SLC37A2: variants seen among roughly 807,000 people sequenced by gnomAD.
SLC37A2 encodes solute carrier family 37 member 2.
In SLC37A2, 59 loss-of-function variants were observed where a neutral mutation model predicts 70.7. The observed-to-expected ratio is 0.83, with a 90% confidence interval of 0.68 to 1.04. The LOEUF is 1.04. SLC37A2 is among the 50% of genes least tolerant of loss of function. SLC37A2 has a pLI of 0.00. For synonymous variants in SLC37A2, 257 were observed against 262.1 expected (o/e 0.98, Z 0.19); for missense variants, 580 against 658.1 (o/e 0.88, Z 1.30).
intron 1 of SLC37A2, among the ~76,000 whole-genome samples, chr11:125,071,352 C>G (rs1450861585): frequency 6.6e-6 from 1 of 152,194 alleles, no homozygotes; most frequent in East Asian, 1.9e-4. Flanking sequence ...CTCTTCTGAG[C>G]CCCACCAACA....
In SLC37A2 at chr11:125,067,450, C is replaced by A. The variant is rs556902923; in HGVS notation, c.59+4024C>A. ...AACTCTTTTATAGCATATAATTTCT[C>A]AAATATTTAGATAAATAATAATATT... On this transcript the variant is annotated intron_variant, in intron 1 of 17. Coordinates refer to ENST00000403796, the MANE Select transcript of SLC37A2 (RefSeq NM_001145290.2). Among the ~76,000 whole-genome samples, 25 of 152,240 alleles carry A rather than the reference C, an allele frequency of 1.6e-4. 1 individual carries two copies. The highest frequency in any genetic ancestry group is 1.5e-3 in the Admixed American group (23 of 15,304).
intron 5 of SLC37A2, 98 bp downstream of exon 5, chr11:125,079,345 C>A: frequency 6.7e-7 from 1 of 1,489,782 alleles, no homozygotes; most frequent in South Asian, 1.2e-5. Flanking sequence ...GTTCCTGGCT[C>A]CCTGTCCAGT....
rs540421797 is a variant in SLC37A2 at position 125,076,912 on chromosome 11, C to T, written c.141+74C>T. 8.9e-6 allele frequency: 13 copies of T among 1,464,052 alleles called. No individual in the cohort carries two copies. The South Asian group carries it at 1.2e-4, about 13-fold the overall frequency. 90.7% of individuals were successfully genotyped at this position (1,464,052 alleles called of 1,614,324 possible). ...CCGTCCTTACCCCTTCCCATGGCCA[C>T]CGAGGTTGCACCTTCACCTGGCAGG... is the stretch of plus-strand genomic sequence containing the variant. On this transcript the variant is annotated intron_variant, in intron 2 of 17. Transcript: ENST00000403796.
At chr11:125,066,264 C>T (rs1251505848) in intron 1 of SLC37A2, among the ~76,000 whole-genome samples, 1 of 152,220 alleles carries the variant, frequency 6.6e-6, no homozygotes, top group African/African-American at 2.4e-5. Context: ...GCCTGCCAGG[C>T]CCAGTGGCAT....
At chr11:125,082,477 C>A in intron 10 of SLC37A2, 143 bp downstream of exon 10, 2 of 743,714 alleles carry the variant, frequency 2.7e-6, no homozygotes, top group South Asian at 1.6e-5. Context: ...GTGAAAGGAG[C>A]TTGATTTAGT....
At chr11:125,077,415 G>T (rs369373350) in intron 3 of SLC37A2, 35 bp from the exon 4 acceptor site, 3 of 1,602,974 alleles carry the variant, frequency 1.9e-6, no homozygotes, top group Non-Finnish European at 2.6e-6. Context: ...GGGCATCCAC[G>T]CAGTCAGCTT....
chr11:125,063,394 C>G lies in SLC37A2; in HGVS notation c.27C>G (p.Val9=). The G allele has an allele frequency of 6.2e-7, 1 of 1,612,004 alleles. No homozygotes were observed. Among genetic ancestry groups the G allele is most frequent in the South Asian group, 1.1e-5 (1 of 90,534 alleles). Residue 9 remains valine (V), a synonymous_variant, in exon 1 of 18, where the codon GTC becomes GTG. Coordinates refer to ENST00000403796, the MANE Select transcript of SLC37A2 (RefSeq NM_001145290.2). This position sits in a 1 kb window ranked among gnomAD's most constrained non-coding sequence, Gnocchi z 5.4. Reference sequence around the variant, plus strand: ...TGCGGTCCTCCCTGGCTCCGGGAGTCTGGTTCTTCCGGGCCTTCTCCAGGG... The same window carrying G: ...TGCGGTCCTCCCTGGCTCCGGGAGTGTGGTTCTTCCGGGCCTTCTCCAGGG... MRSSLAPG[V]WFFRAFSRDS...
At position 125,088,150 on chromosome 11, in the gene SLC37A2, A is replaced by G; in HGVS notation, c.*16A>G. On this transcript the variant is annotated 3_prime_UTR_variant, in exon 18 of 18. Transcript: ENST00000403796. ...AGAAATATGAGGCCCCAATTGGAACAGCAGCATGGAGGGTCCCAGTTGGGT... is the reference window on the plus strand; with the variant it reads ...AGAAATATGAGGCCCCAATTGGAACGGCAGCATGGAGGGTCCCAGTTGGGT... 2 of 1,551,758 alleles carry G rather than the reference A, an allele frequency of 1.3e-6. No homozygotes were observed. The highest frequency in any genetic ancestry group is 4.9e-5 in the East Asian group (2 of 40,850).
chr11:125,085,085 G>C lies in SLC37A2; in HGVS notation c.1194G>C (p.Gly398=), dbSNP rs1449532062. The change falls in exon 14 of 18, where the codon GGG becomes GGC. Residue 398 remains glycine, a synonymous_variant. Transcript: ENST00000403796. ...TCCCAGTGATGCTGATCATCTGTGGGGGCCTGGTCAATGGCCCATACGCGC... is the reference window on the plus strand; with the variant it reads ...TCCCAGTGATGCTGATCATCTGTGGCGGCCTGGTCAATGGCCCATACGCGC... ...ASSIVMLIIC[G]GLVNGPYALI... The C allele has an allele frequency of 1.2e-6, 2 of 1,613,952 alleles. No homozygotes were observed. The highest frequency in any genetic ancestry group is 1.3e-5 in the African/African-American group (1 of 74,916).
At chr11:125,072,654 C>T (rs570505278) in intron 1 of SLC37A2, among the ~76,000 whole-genome samples, 8 of 152,330 alleles carry the variant, frequency 5.3e-5, no homozygotes, top group South Asian at 4.1e-4. Context: ...GTGAAACCTG[C>T]GGGTTCTAAA....
At chr11:125,078,221 G>A (rs1302899081) in intron 4 of SLC37A2, among the ~76,000 whole-genome samples, 1 of 152,216 alleles carries the variant, frequency 6.6e-6, no homozygotes, top group African/African-American at 2.4e-5. Context: ...GAGGAACCGC[G>A]GGCAGGTGTA....
Position 125,085,985 on chromosome 11 carries a change from T to C in SLC37A2, c.1457T>C (p.Leu486Ser), listed in dbSNP as rs749988458. 5.0e-6 allele frequency: 8 copies of C among 1,614,190 alleles called. No homozygotes were observed. The highest frequency in any genetic ancestry group is 1.3e-5 in the African/African-American group (1 of 75,060). Residue 486 changes from leucine (L) to serine (S), a missense_variant, in exon 17 of 18, where the codon TTG becomes TCG. Coordinates refer to ENST00000403796, the MANE Select transcript of SLC37A2 (RefSeq NM_001145290.2). ...TGCCGGTTAGTATACAAAGAGATCT[T>C]GGCCTGGAAGGTGTCCCTGAGCAGA... is the stretch of plus-strand genomic sequence containing the variant. ...LLCRLVYKEI[L>S]AWKVSLSRGS...
Position 125,089,273 on chromosome 11 carries a change from A to G in SLC37A2, c.*1139A>G, listed in dbSNP as rs1007184325. 116 of 152,808 alleles carry G rather than the reference A, an allele frequency of 7.6e-4. No individual in the cohort carries two copies. The highest frequency in any genetic ancestry group is 1.5e-4 in the Non-Finnish European group (10 of 68,548). The allele number at this position is 152,808 out of a possible 1,614,324, so 9.5% of individuals were successfully genotyped here. A position where few individuals can be genotyped will look rare whatever the true frequency, so the allele number is the denominator to read the frequency against. On this transcript the variant is annotated 3_prime_UTR_variant, in exon 18 of 18. Transcript: ENST00000403796. The stretch of plus-strand genomic sequence containing the variant: ...CATCTTTGTCGGGGCTTGGCTTGGC[A>G]GCGAGCGAGGCTGGCATGGGGTGCT...
In SLC37A2 at chr11:125,063,469, C is replaced by T. The variant is rs913566400; in HGVS notation, c.59+43C>T. The T allele has an allele frequency of 2.5e-6, 4 of 1,578,992 alleles. No individual in the cohort carries two copies. In the African/African-American group the frequency reaches 5.5e-5, roughly 22 times the overall value. On this transcript the variant is annotated intron_variant, in intron 1 of 17. Transcript: ENST00000403796. The surrounding 1 kb of genome is among the most constrained non-coding windows in gnomAD (Gnocchi z 5.4). ...GGGAGGCGTGCCGGGACCTCCTGGG[C>T]TCGGGGCTTGCAGGGGCCGCGGGGG...
intron 1 of SLC37A2, among the ~76,000 whole-genome samples, chr11:125,069,338 T>C (rs4935903): frequency 0.24 from 37,199 of 152,160 alleles, 4,963 homozygotes; most frequent in African/African-American, 0.36. Context: ...GCTGCCTTCC[T>C]AATGATAGTG....
Position 125,088,149 on chromosome 11 carries a change from C to G in SLC37A2, c.*15C>G. The stretch of plus-strand genomic sequence containing the variant: ...AAGAAATATGAGGCCCCAATTGGAA[C>G]AGCAGCATGGAGGGTCCCAGTTGGG... On this transcript the variant is annotated 3_prime_UTR_variant, in exon 18 of 18. Coordinates refer to ENST00000403796, the MANE Select transcript of SLC37A2 (RefSeq NM_001145290.2). The G allele has an allele frequency of 6.4e-7, 1 of 1,551,808 alleles. No homozygotes were observed. The highest frequency in any genetic ancestry group is 8.7e-7 in the Non-Finnish European group (1 of 1,147,038).
chr11:125,081,309 G>A, intron 7 of SLC37A2, 112 bp from the exon 8 acceptor site: 1 of 1,084,750 alleles, frequency 9.2e-7, no homozygotes. Flanking sequence ...CTGGAGGCGG[G>A]GCTGGTTCCC....
chr11:125,070,320 C>T (rs1382081535), intron 1 of SLC37A2, among the ~76,000 whole-genome samples: 4 of 152,192 alleles, frequency 2.6e-5, no homozygotes, highest in Non-Finnish European at 5.9e-5. Context: ...GAGGAGGACG[C>T]AGGGGAAAGA....
intron 1 of SLC37A2, 75 bp from the exon 2 acceptor site, chr11:125,076,681 CG>C: frequency 7.3e-7 from 1 of 1,361,372 alleles, no homozygotes; most frequent in East Asian, 2.3e-5. Context: ...AGAGGGGACA[CG>C]GGTCAGGGAT....
Sources: allele counts gnomAD v4.1 joint callset (sites outside exome capture counted in the v4.1 genomes callset), GRCh38; gene constraint gnomAD v4.1.1; non-coding constraint Gnocchi (gnomAD v3.1); transcripts MANE v1.5; gene names NCBI Gene and HGNC (gene_info 2026-07-23, HGNC 2026-07-21).